DCDC2: variants seen among roughly 807,000 people sequenced by gnomAD.
DCDC2 encodes doublecortin domain-containing protein 2.
In DCDC2, 40 loss-of-function variants were observed where a neutral mutation model predicts 50.2. That is an observed-to-expected ratio of 0.80 (90% confidence interval 0.62 to 1.04). DCDC2 has a LOEUF of 1.04. DCDC2 is among the 50% of genes least tolerant of loss of function. The pLI is 0.00. For missense variants in DCDC2, 570 were observed against 581.9 expected (o/e 0.98, Z 0.21); for synonymous variants, 234 against 210.6 (o/e 1.11, Z -0.96).
intron 2 of DCDC2, among the ~76,000 whole-genome samples, chr6:24,337,270 C>T (rs1760073304): frequency 6.6e-6 from 1 of 152,144 alleles, no homozygotes; most frequent in Admixed American, 6.5e-5. Context: ...TCTCTGTAAT[C>T]TCTTCACACT....
Position 24,205,036 on chromosome 6 carries a change from T to C in DCDC2, c.989A>G (p.Asp330Gly), listed in dbSNP as rs1288680500. 2 of 1,613,968 alleles carry C rather than the reference T, an allele frequency of 1.2e-6. No individual in the cohort carries two copies. Among genetic ancestry groups the C allele is most frequent in the African/African-American group, 1.3e-5 (1 of 74,922 alleles). The change falls in exon 8 of 10, where the codon GAT becomes GGT. Residue 330 changes from aspartate (D) to glycine (G), a missense_variant. Asp to Gly is a moderately conservative substitution (Grantham distance 94, BLOSUM62 -1). Transcript: ENST00000378454. ...ETRGAAEVQE[D>G]EDTQVEVPVD... is the part of the protein sequence containing the mutation. ...TGGAACCTCAACCTGAGTATCTTCA[T>C]CTTCTTGGACTTCTGCTGCCCCCCG... is the stretch of plus-strand genomic sequence containing the variant.
chr6:24,243,642 G>A (rs79445758), intron 7 of DCDC2, among the ~76,000 whole-genome samples: 1,828 of 152,306 alleles, frequency 0.012, 35 homozygotes, highest in African/African-American at 0.04. Flanking sequence ...TGAGAGGCTA[G>A]TTTGGAAGGA....
chr6:24,202,962 A>C (rs774867990), intron 8 of DCDC2, among the ~76,000 whole-genome samples: 1 of 152,314 alleles, frequency 6.6e-6, no homozygotes, highest in Admixed American at 6.5e-5. Flanking sequence ...GGAAGGACAA[A>C]CCACTGCCCA....
intron 7 of DCDC2, among the ~76,000 whole-genome samples, chr6:24,207,483 T>C (rs968341931): frequency 2.0e-5 from 3 of 152,190 alleles, no homozygotes; most frequent in African/African-American, 4.8e-5. Context: ...TAGTGCAAAA[T>C]AGGAATTTTT....
In DCDC2 at chr6:24,357,724, G is replaced by C. The variant is rs760773579; in HGVS notation, c.27C>G (p.Ser9Arg). ...TCTTCACGACGGGCTGAGACAGGTG[G>C]CTGGACCTGGCGCTGCTGCCGCTCA... MSGSSARS[S>R]HLSQPVVKSV... Residue 9 changes from serine to arginine, a missense_variant, in exon 1 of 10, where the codon AGC (serine) becomes AGG (arginine). Transcript: ENST00000378454. 1.2e-6 allele frequency: 2 copies of C among 1,612,684 alleles called. No individual in the cohort carries two copies. The highest frequency in any genetic ancestry group is 2.2e-5 in the East Asian group (1 of 44,870).
chr6:24,368,758 T>C, the DCDC2 span, among the ~76,000 whole-genome samples: 4 of 151,928 alleles, frequency 2.6e-5, no homozygotes, highest in East Asian at 1.9e-4. Context: ...CTGGTAACTA[T>C]GTGATAAATA....
At chr6:24,249,770 C>T (rs1762759709) in intron 7 of DCDC2, among the ~76,000 whole-genome samples, 1 of 152,194 alleles carries the variant, frequency 6.6e-6, no homozygotes, top group Admixed American at 6.5e-5. Flanking sequence ...ATAGTAGATC[C>T]TCTACAAAGC....
intron 7 of DCDC2, among the ~76,000 whole-genome samples, chr6:24,240,788 T>C (rs188002065): frequency 6.2e-4 from 95 of 152,298 alleles, no homozygotes; most frequent in African/African-American, 2.2e-3. Flanking sequence ...ATCCCTTAGA[T>C]GGCTGAGAGT....
At chr6:24,238,608 A>G (rs1373624459) in intron 7 of DCDC2, among the ~76,000 whole-genome samples, 1 of 152,142 alleles carries the variant, frequency 6.6e-6, no homozygotes, top group Non-Finnish European at 1.5e-5. Flanking sequence ...CCGAACACCC[A>G]AAAGTTTATA....
chr6:24,351,913 G>A (rs2127254598), intron 2 of DCDC2, among the ~76,000 whole-genome samples: 1 of 152,272 alleles, frequency 6.6e-6, no homozygotes, highest in East Asian at 1.9e-4. Flanking sequence ...AGACCAGCCT[G>A]ACCAACATGC....
intron 2 of DCDC2, among the ~76,000 whole-genome samples, chr6:24,312,582 G>A (rs774298722): frequency 2.0e-5 from 3 of 152,168 alleles, no homozygotes; most frequent in Admixed American, 1.3e-4. Context: ...TCTATGAGCT[G>A]ATGAAACCAC....
At chr6:24,350,035 C>T (rs1760338112) in intron 2 of DCDC2, among the ~76,000 whole-genome samples, 1 of 152,120 alleles carries the variant, frequency 6.6e-6, no homozygotes, top group African/African-American at 2.4e-5. Context: ...CCAAATAGGA[C>T]CCTATGCTTC....
chr6:24,340,873 G>A (rs1760141874), intron 2 of DCDC2, among the ~76,000 whole-genome samples: 1 of 152,046 alleles, frequency 6.6e-6, no homozygotes, highest in Admixed American at 6.5e-5. Context: ...CTACAGGCAC[G>A]TACCACTATG....
At chr6:24,374,414 A>T in the DCDC2 span, among the ~76,000 whole-genome samples, 1 of 151,266 alleles carries the variant, frequency 6.6e-6, no homozygotes, top group Non-Finnish European at 1.5e-5. Context: ...TCTACTAAAA[A>T]CAAAAATACA....
rs12203188 is a variant in DCDC2 at position 24,207,256 on chromosome 6, T to C, written c.923-2154A>G. Among the ~76,000 whole-genome samples, 970 of 129,648 alleles carry C rather than the reference T, an allele frequency of 7.5e-3. 6 individuals carry two copies. The highest frequency in any genetic ancestry group is 0.024 in the African/African-American group (846 of 35,902). 85.1% of individuals were successfully genotyped at this position (129,648 alleles called of 152,430 possible). ...CTTCCCTCCCTCACTCCATCTATCT[T>C]TCTCTCTCTCTCTCTCTCTCTCTCT... On this transcript the variant is annotated intron_variant, in intron 7 of 9. Coordinates refer to ENST00000378454, the MANE Select transcript of DCDC2 (RefSeq NM_016356.5).
the DCDC2 span, among the ~76,000 whole-genome samples, chr6:24,364,086 T>TC: frequency 6.6e-6 from 1 of 151,962 alleles, no homozygotes; most frequent in East Asian, 1.9e-4. Flanking sequence ...CAGCCCCTTA[T>TC]CCCCCCATTC....
At chr6:24,271,913 C>T (rs934039821) in intron 7 of DCDC2, among the ~76,000 whole-genome samples, 5 of 152,044 alleles carry the variant, frequency 3.3e-5, no homozygotes, top group African/African-American at 1.2e-4. Flanking sequence ...CAAATTTTTC[C>T]TTTTGAAAAC....
intron 1 of DCDC2, among the ~76,000 whole-genome samples, chr6:24,356,383 T>C (rs946226772): frequency 6.6e-6 from 1 of 152,086 alleles, no homozygotes; most frequent in Non-Finnish European, 1.5e-5. Context: ...GAAAATAGAT[T>C]AGTGGTTTCC....
chr6:24,275,024 A>C (rs1163779676), intron 7 of DCDC2, among the ~76,000 whole-genome samples: 2 of 148,982 alleles, frequency 1.3e-5, no homozygotes, highest in Non-Finnish European at 3.0e-5. Flanking sequence ...TATCTCTAAA[A>C]CCAAATTTTT....
Sources: gnomAD v4.1 joint callset for allele counts (sites outside exome capture counted in the v4.1 genomes callset) on GRCh38, gnomAD v4.1.1 for gene constraint, MANE v1.5 for transcripts, NCBI Gene and HGNC (gene_info 2026-07-23, HGNC 2026-07-21) for gene names.